The following NRP2 variants were observed in gnomAD, a reference collection of about 807,000 sequenced individuals.
NRP2 encodes neuropilin 2.
A neutral mutation model predicts 110.4 loss-of-function variants in NRP2; 52 were observed. The observed-to-expected ratio is 0.47, with a 90% confidence interval of 0.38 to 0.59. NRP2 has a LOEUF of 0.59. NRP2 is among the 20% of genes least tolerant of loss of function. The probability of loss-of-function intolerance (pLI) is 0.00; values close to 1 mark genes in which losing one functional copy is unlikely to be tolerated. For synonymous variants in NRP2, 508 were observed against 468.9 expected, an observed-to-expected ratio of 1.08 and a Z score of -1.08; for missense variants, 1,049 against 1,203.0, an observed-to-expected ratio of 0.87 and a Z score of 1.89.
chr2:205,694,555 A>T (rs1170788972), intron 1 of NRP2, among the ~76,000 whole-genome samples: 1 of 152,230 alleles, frequency 6.6e-6, no homozygotes, highest in East Asian at 1.9e-4. Flanking sequence ...TAGCTCAAAC[A>T]GGGTCAATTT....
chr2:205,703,159 A>G (rs768336465), intron 2 of NRP2, among the ~76,000 whole-genome samples: 3 of 152,204 alleles, frequency 2.0e-5, no homozygotes, highest in Non-Finnish European at 4.4e-5. Flanking sequence ...CATGAGCTGA[A>G]TCTGTGTTGG....
intron 15 of NRP2, among the ~76,000 whole-genome samples, chr2:205,770,068 G>A (rs1186159879): frequency 3.3e-5 from 5 of 152,210 alleles, no homozygotes; most frequent in African/African-American, 1.2e-4. Flanking sequence ...CGGGCAGAGA[G>A]ACGATCTGGT....
At chr2:205,764,310 A>T (rs934272733) in intron 13 of NRP2, 2 of 265,206 alleles carry the variant, frequency 7.5e-6, no homozygotes, top group Admixed American at 5.1e-5. Flanking sequence ...TGGGGAGGAA[A>T]TAGGATAATC....
intron 1 of NRP2, among the ~76,000 whole-genome samples, chr2:205,693,288 C>T (rs935079386): frequency 2.0e-5 from 3 of 152,170 alleles, no homozygotes; most frequent in African/African-American, 4.8e-5. Context: ...GTCATCTGCT[C>T]TTTCTCTTTT....
At chr2:205,792,382 T>A in intron 16 of NRP2, 97 bp downstream of exon 16, 2 of 828,456 alleles carry the variant, frequency 2.4e-6, no homozygotes, top group Non-Finnish European at 4.2e-6. Flanking sequence ...AGGGCCCAAA[T>A]CTAGAACTAT....
chr2:205,765,561 A>T lies in NRP2; in HGVS notation c.2395A>T (p.Asn799Tyr). The change falls in exon 14 of 17, where the codon AAC becomes TAC. Residue 799 changes from asparagine (N) to tyrosine (Y), a missense_variant. Coordinates refer to ENST00000357785, the MANE Select transcript of NRP2 (RefSeq NM_003872.3). ...IRISTDVPLE[N>Y]CMEPISAFAV... ...GATAAGCACTGATGTCCCACTGGAG[A>T]ACTGCATGGGTATGTGAATATCTGT... 6.2e-7 allele frequency: 1 copy of T among 1,612,372 alleles called. No individual in the cohort carries two copies. The highest frequency in any genetic ancestry group is 8.5e-7 in the Non-Finnish European group (1 of 1,178,410).
chr2:205,723,993 G>T (rs2057074455), intron 5 of NRP2, 53 bp downstream of exon 5: 1 of 1,600,400 alleles, frequency 6.2e-7, no homozygotes, highest in South Asian at 1.1e-5. Flanking sequence ...GGGCTGTGAG[G>T]GTGTACAGGT....
At chr2:205,747,163 A>G (rs1324174146) in intron 10 of NRP2, among the ~76,000 whole-genome samples, 2 of 152,156 alleles carry the variant, frequency 1.3e-5, no homozygotes, top group African/African-American at 4.8e-5. Context: ...TCTGCCCATG[A>G]TACACAATTT....
chr2:205,702,362 G>T (rs1474535571), intron 2 of NRP2, among the ~76,000 whole-genome samples: 1 of 152,208 alleles, frequency 6.6e-6, no homozygotes, highest in Admixed American at 6.5e-5. Flanking sequence ...TTTCCAGTTG[G>T]CTTCAGCCAG....
At chr2:205,739,922 G>A (rs2057410782) in intron 7 of NRP2, 2 of 190,768 alleles carry the variant, frequency 1.0e-5, no homozygotes, top group South Asian at 1.0e-4. Flanking sequence ...AGGACTGTCT[G>A]CAACCCTGAC....
intron 1 of NRP2, among the ~76,000 whole-genome samples, chr2:205,694,190 A>G (rs1479081251): frequency 6.6e-6 from 1 of 152,222 alleles, no homozygotes; most frequent in East Asian, 1.9e-4. Context: ...TAAGAAGGAG[A>G]AAAAGAGCAA....
intron 8 of NRP2, among the ~76,000 whole-genome samples, chr2:205,741,062 G>C (rs1017782630): frequency 3.3e-5 from 5 of 152,172 alleles, no homozygotes; most frequent in African/African-American, 4.8e-5. Context: ...CCAGTCCAAA[G>C]CCCTTGCTTT....
chr2:205,749,814 T>C lies in NRP2; in HGVS notation c.1876T>C (p.Cys626Arg). ...CCCCACCGAAGAGGAGGCCACAGAG[T>C]GTGGGGAGAACTGCAGCTTTGAGGA... Reference protein sequence around the residue: ...PYPTEEEATECGENCSFEDDK... With the variant: ...PYPTEEEATERGENCSFEDDK... The change falls in exon 11 of 17, where the codon TGT becomes CGT. Residue 626 changes from cysteine to arginine, a missense_variant. Physicochemically the swap from Cys to Arg is radical, Grantham distance 180. Transcript: ENST00000357785. The C allele has an allele frequency of 1.2e-5, 19 of 1,612,122 alleles. No homozygotes were observed. Among genetic ancestry groups the C allele is most frequent in the Non-Finnish European group, 1.5e-5 (18 of 1,179,336 alleles).
chr2:205,697,182 A>G (rs559998046), intron 1 of NRP2, among the ~76,000 whole-genome samples: 1 of 152,198 alleles, frequency 6.6e-6, no homozygotes, highest in African/African-American at 2.4e-5. Flanking sequence ...TTGAATGAGG[A>G]GAGGAAGATG....
At chr2:205,735,104 G>A (rs2057319681) in intron 7 of NRP2, among the ~76,000 whole-genome samples, 1 of 152,178 alleles carries the variant, frequency 6.6e-6, no homozygotes, top group Non-Finnish European at 1.5e-5. Context: ...GGAGCTCAAA[G>A]ACTTGGACAG....
chr2:205,776,403 T>G, intron 15 of NRP2: 1 of 1,613,640 alleles, frequency 6.2e-7, no homozygotes, highest in South Asian at 1.1e-5. Flanking sequence ...GGTTCCGCTA[T>G]GCGGCCAAGA....
rs113090263 is a variant in NRP2 at position 205,787,718 on chromosome 2, C to G, written c.2426-4517C>G. ...AGAGAGGAAAGATAAAAAAAAGTGT[C>G]TGTGTGTGTGTGTGTGTGTGTGTGT... On this transcript the variant is annotated intron_variant, in intron 15 of 16. Transcript: ENST00000357785. 3.5e-4 allele frequency among the ~76,000 whole-genome samples: 51 copies of G among 144,186 alleles called. 1 individual carries two copies. Among genetic ancestry groups the G allele is most frequent in the African/African-American group, 1.2e-3 (46 of 38,912 alleles). The allele number at this position is 144,186 out of a possible 152,430, so 94.6% of individuals were successfully genotyped here.
At chr2:205,745,974 G>T in intron 10 of NRP2, 84 bp downstream of exon 10, 1 of 1,515,030 alleles carries the variant, frequency 6.6e-7, no homozygotes. Context: ...GAGGGCTGTG[G>T]AGGGGGCAGC....
rs557227402 is a variant in NRP2, at chr2:205,749,447, G to A, written c.1787-278G>A. On this transcript the variant is annotated intron_variant, in intron 10 of 16. Transcript: ENST00000357785. ...CTGTAGCCCCCTCCATTATTGTCTC[G>A]TGGCCTTTTGTGCTAAACTCGGGGC... Among the ~76,000 whole-genome samples, 10 of 152,162 alleles carry A rather than the reference G, an allele frequency of 6.6e-5. 1 individual carries two copies. The South Asian group carries it at 2.1e-3, about 32-fold the overall frequency.
Sources: allele counts gnomAD v4.1 joint callset (sites outside exome capture counted in the v4.1 genomes callset), GRCh38; gene constraint gnomAD v4.1.1; transcripts MANE v1.5; gene names NCBI Gene and HGNC (gene_info 2026-07-23, HGNC 2026-07-21).